Variants in MED27 observed in about 807,000 individuals in gnomAD.
The protein encoded by MED27 is mediator of RNA polymerase II transcription subunit 27.
Under a neutral mutation model 38.2 loss-of-function variants are expected in MED27, and 30 were observed. That is an observed-to-expected ratio of 0.79 (90% CI 0.59 to 1.07). The LOEUF (loss-of-function observed/expected upper bound fraction) is 1.07. Among genes scored for constraint, MED27 ranks in the 50% least tolerant of loss-of-function variants. The pLI, the probability that MED27 is intolerant of heterozygous loss-of-function variation, is 0.00. For synonymous variants in MED27, 122 were observed against 153.5 expected (o/e 0.79, Z 1.52); for missense variants, 289 against 397.5 (o/e 0.73, Z 2.32).
Position 132,025,033 on chromosome 9 carries a change from T to C in MED27, c.349-10566A>G, listed in dbSNP as rs112135864. 2.5e-3 allele frequency among the ~76,000 whole-genome samples: 378 copies of C among 151,940 alleles called. 3 individuals are homozygous for C. Among genetic ancestry groups the C allele is most frequent in the African/African-American group, 8.6e-3 (354 of 41,402 alleles). On this transcript the variant is annotated intron_variant, in intron 2 of 7. Coordinates refer to ENST00000292035, the MANE Select transcript of MED27 (RefSeq NM_004269.4). ...TACACACAGGAAGTATGAGAAAAGG[T>C]AATGCAGGTGGAAGCCTGTGTGTCA...
At chr9:131,973,520 C>T (rs111490201) in intron 3 of MED27, among the ~76,000 whole-genome samples, 5 of 143,216 alleles carry the variant, frequency 3.5e-5, no homozygotes, top group East Asian at 4.1e-4. Context: ...TGCAGTAGCG[C>T]GATCTCGGCT....
intron 4 of MED27, among the ~76,000 whole-genome samples, chr9:131,905,684 C>T (rs1199221754): frequency 1.0e-5 from 1 of 97,010 alleles, no homozygotes; most frequent in African/African-American, 4.2e-5. Flanking sequence ...GGTGACAGAG[C>T]AAGAGCAAGA....
At chr9:131,914,479 T>C (rs866005091) in intron 4 of MED27, among the ~76,000 whole-genome samples, 3 of 152,182 alleles carry the variant, frequency 2.0e-5, no homozygotes, top group African/African-American at 4.8e-5. Context: ...TTATTGGGCA[T>C]TCAGCACGAG....
intron 2 of MED27, among the ~76,000 whole-genome samples, chr9:132,024,803 T>C (rs1389787944): frequency 6.6e-6 from 1 of 152,200 alleles, no homozygotes; most frequent in Non-Finnish European, 1.5e-5. Context: ...CTCCTTCTAA[T>C]ATACTGTAGA....
intron 3 of MED27, among the ~76,000 whole-genome samples, chr9:131,973,438 CTT>C (rs1315331472): frequency 3.1e-4 from 45 of 143,406 alleles, no homozygotes; most frequent in African/African-American, 9.5e-4. Context: ...CTTCCCTTTT[CTT>C]TTTTTCTTTT....
At chr9:131,947,082 G>A (rs936548895) in intron 3 of MED27, among the ~76,000 whole-genome samples, 9 of 152,238 alleles carry the variant, frequency 5.9e-5, no homozygotes, top group East Asian at 1.9e-4. Flanking sequence ...TCTGGCACCC[G>A]CTAAGCATGC....
intron 2 of MED27, among the ~76,000 whole-genome samples, chr9:132,026,580 T>C (rs1038172364): frequency 6.6e-6 from 1 of 152,182 alleles, no homozygotes; most frequent in Non-Finnish European, 1.5e-5. Context: ...TACGTGAGCA[T>C]TCAATAAAAA....
At position 132,057,407 on chromosome 9, in the gene MED27, A is replaced by G. The variant is rs557159824; in HGVS notation, c.348+20035T>C. On this transcript the variant is annotated intron_variant, in intron 2 of 7. Transcript: ENST00000292035. ...TGGTCTGCTGTGAGCAGTTACTTCT[A>G]TGGGTAATCACATATGGAGGCAGCC... Among the ~76,000 whole-genome samples the G allele has an allele frequency of 3.9e-5, 6 of 152,296 alleles. No homozygotes were observed. The East Asian group carries it at 1.2e-3, about 29-fold the overall frequency.
At chr9:132,044,152 G>C (rs879599483) in intron 2 of MED27, among the ~76,000 whole-genome samples, 3 of 152,130 alleles carry the variant, frequency 2.0e-5, no homozygotes, top group Non-Finnish European at 4.4e-5. Flanking sequence ...GAGGGGAGGA[G>C]GGAAGGGAGA....
chr9:132,007,853 G>C (rs1832389797), intron 3 of MED27, among the ~76,000 whole-genome samples: 1 of 152,052 alleles, frequency 6.6e-6, no homozygotes, highest in African/African-American at 2.4e-5. Flanking sequence ...AGGGACCACA[G>C]AGAACAAAGC....
chr9:131,959,475 G>A (rs1354268114), intron 3 of MED27, among the ~76,000 whole-genome samples: 2 of 152,096 alleles, frequency 1.3e-5, no homozygotes, highest in African/African-American at 2.4e-5. Flanking sequence ...AAATCCTGGC[G>A]CCGCTCTGGA....
intron 5 of MED27, among the ~76,000 whole-genome samples, chr9:131,887,035 CT>C (rs1413679607): frequency 6.6e-6 from 1 of 152,198 alleles, no homozygotes; most frequent in Non-Finnish European, 1.5e-5. Flanking sequence ...AACTTCTTCA[CT>C]GTTTACCCTT....
chr9:131,929,233 C>T (rs569404384), intron 4 of MED27, among the ~76,000 whole-genome samples: 9 of 152,274 alleles, frequency 5.9e-5, no homozygotes, highest in South Asian at 2.1e-4. Context: ...GGTGGTATGC[C>T]GTGGGCCTTG....
chr9:131,860,687 G>T lies in MED27; in HGVS notation c.802-15C>A. The T allele has an allele frequency of 6.2e-7, 1 of 1,611,870 alleles. No homozygotes were observed. Among genetic ancestry groups the T allele is most frequent in the Non-Finnish European group, 8.5e-7 (1 of 1,178,980 alleles). On this transcript the variant is annotated splice_polypyrimidine_tract_variant and intron_variant, in intron 7 of 7. Coordinates refer to ENST00000292035, the MANE Select transcript of MED27 (RefSeq NM_004269.4). The surrounding 1 kb of genome is among the most constrained non-coding windows in gnomAD (Gnocchi z 5.8). ...CTTAACCAGGTCTAAAAAGAGAAAC[G>T]AGGAGAGAAGTGAAAGAATGGGATA...
At chr9:132,045,999 G>A (rs186182637) in intron 2 of MED27, among the ~76,000 whole-genome samples, 24 of 152,292 alleles carry the variant, frequency 1.6e-4, no homozygotes, top group African/African-American at 5.5e-4. Context: ...CAAAGCAATA[G>A]GATAATGGAA....
chr9:132,073,361 T>C lies in MED27; in HGVS notation c.348+4081A>G, dbSNP rs992745548. On this transcript the variant is annotated intron_variant, in intron 2 of 7. Transcript: ENST00000292035. ...AAAAATTCAACAGAAAACGCTTCGA[T>C]TCATTTATTCTTTCATTCTCTCAGT... 4 of 1,009,684 alleles carry C rather than the reference T, an allele frequency of 4.0e-6. No individual in the cohort carries two copies. The African/African-American group carries it at 6.9e-5, about 17-fold the overall frequency. 62.5% of individuals were successfully genotyped at this position (1,009,684 alleles called of 1,614,324 possible). A position where few individuals can be genotyped will look rare whatever the true frequency, so the allele number is the denominator to read the frequency against.
chr9:131,865,922 T>C (rs1838729674), intron 6 of MED27, among the ~76,000 whole-genome samples: 1 of 152,038 alleles, frequency 6.6e-6, no homozygotes, highest in Non-Finnish European at 1.5e-5. Context: ...GCCCAGCTTC[T>C]CCTCATCTCT....
At chr9:131,943,741 T>G (rs1448937813) in intron 3 of MED27, among the ~76,000 whole-genome samples, 2 of 152,194 alleles carry the variant, frequency 1.3e-5, no homozygotes, top group Non-Finnish European at 2.9e-5. Context: ...GTTAACAGGG[T>G]AATAACTTGG....
chr9:132,054,824 T>C (rs1833541524), intron 2 of MED27, among the ~76,000 whole-genome samples: 1 of 152,206 alleles, frequency 6.6e-6, no homozygotes. Context: ...AACCTAGTTG[T>C]TTTGTTTACC....
Sources: allele counts gnomAD v4.1 joint callset (sites outside exome capture counted in the v4.1 genomes callset), GRCh38; gene constraint gnomAD v4.1.1; non-coding constraint Gnocchi (gnomAD v3.1); transcripts MANE v1.5; gene names NCBI Gene and HGNC (gene_info 2026-07-23, HGNC 2026-07-21).